Variants in DSCAM observed in about 807,000 individuals in gnomAD.
DSCAM encodes the protein DS cell adhesion molecule, also known as cell adhesion molecule DSCAM.
Under a neutral mutation model 217.7 loss-of-function variants are expected in DSCAM, and 47 were observed. The ratio of observed to expected loss-of-function variants is 0.22; its 90% CI spans 0.17 to 0.28. DSCAM has a LOEUF of 0.28. DSCAM is among the 10% of genes least tolerant of loss of function. The pLI is 1.00. For missense variants in DSCAM, 2,080 were observed against 2,618.3 expected, an observed-to-expected ratio of 0.79 and a Z score of 4.49; for synonymous variants, 1,056 against 1,015.3, an observed-to-expected ratio of 1.04 and a Z score of -0.76.
chr21:40,498,696 TAGATATATATATATG>T (rs2076143024), intron 3 of DSCAM, among the ~76,000 whole-genome samples: 1 of 9,186 alleles, frequency 1.1e-4, no homozygotes, highest in Admixed American at 1.2e-3. Context: ...TATATATATA[TAGATATATATATATG>T]GGTGTATATA....
chr21:40,814,485 T>G (rs2091864412), intron 1 of DSCAM, among the ~76,000 whole-genome samples: 1 of 152,208 alleles, frequency 6.6e-6, no homozygotes, highest in Non-Finnish European at 1.5e-5. Flanking sequence ...TACTGCTTCT[T>G]TCTAAGTTAC....
At chr21:40,558,344 A>T (rs2076689283) in intron 3 of DSCAM, among the ~76,000 whole-genome samples, 1 of 152,086 alleles carries the variant, frequency 6.6e-6, no homozygotes. Flanking sequence ...GCTACTCAGC[A>T]GGCTGAGGCA....
Position 40,518,511 on chromosome 21 carries a change from TATATATA to T in DSCAM, c.509-149273_509-149267del, listed in dbSNP as rs1416130649. Among the ~76,000 whole-genome samples, 31 of 14,278 alleles carry T rather than the reference TATATATA, an allele frequency of 2.2e-3. 2 individuals are homozygous for T. Among genetic ancestry groups the T allele is most frequent in the East Asian group, 0.02 (10 of 492 alleles). The allele number at this position is 14,278 out of a possible 152,430, so 9.4% of individuals were successfully genotyped here. A position where few individuals can be genotyped will look rare whatever the true frequency, so the allele number is the denominator to read the frequency against. ...TATATATTATATATTATATATATAA[TATATATA>T]ATATATATTTTATATATATATATGT... On this transcript the variant is annotated intron_variant, in intron 3 of 32. Transcript: ENST00000400454.
rs527901964 is a variant in DSCAM, at chr21:40,632,128, G to T, written c.508+60682C>A. ...ATGGGGCCTCCAAAGAGCTATGCTGGCTTCCAAGGCTGCTGACCAGGTCTA... is the reference window on the plus strand; with the variant it reads ...ATGGGGCCTCCAAAGAGCTATGCTGTCTTCCAAGGCTGCTGACCAGGTCTA... On this transcript the variant is annotated intron_variant, in intron 3 of 32. Coordinates refer to ENST00000400454, the MANE Select transcript of DSCAM (RefSeq NM_001389.5). Among the ~76,000 whole-genome samples the T allele has an allele frequency of 2.0e-5, 3 of 152,278 alleles. No homozygotes were observed. In the South Asian group the frequency reaches 6.2e-4, roughly 32 times the overall value.
intron 1 of DSCAM, among the ~76,000 whole-genome samples, chr21:40,830,934 G>T (rs2092007328): frequency 3.3e-5 from 5 of 152,204 alleles, no homozygotes; most frequent in Admixed American, 2.0e-4. Context: ...GACTCTCCAT[G>T]GGATCCCTGG....
At chr21:40,651,045 T>C (rs1375778706) in intron 3 of DSCAM, among the ~76,000 whole-genome samples, 1 of 152,142 alleles carries the variant, frequency 6.6e-6, no homozygotes, top group African/African-American at 2.4e-5. Context: ...ATCTGGAGTA[T>C]AACCCATGAT....
intron 23 of DSCAM, 47 bp from the exon 24 acceptor site, chr21:40,084,053 C>G (rs1248524457): frequency 6.7e-7 from 1 of 1,486,116 alleles, no homozygotes. Context: ...TTTTTCACAT[C>G]TTTAACTTTC....
chr21:40,078,679 C>CAGCT lies in DSCAM; in HGVS notation c.4711+4_4711+7dup, dbSNP rs2089405218. 1 of 1,608,510 alleles carries CAGCT rather than the reference C, an allele frequency of 6.2e-7. No individual in the cohort carries two copies. Among genetic ancestry groups the CAGCT allele is most frequent in the Non-Finnish European group, 8.5e-7 (1 of 1,176,036 alleles). ...CAAGCAGGAGAGCCACAAAGCCAGCCAGCTTACTGCCATCGTAGTTCAGCG... is the reference window on the plus strand; with the variant it reads ...CAAGCAGGAGAGCCACAAAGCCAGCCAGCTAGCTTACTGCCATCGTAGTTCAGCG... On this transcript the variant is annotated splice_region_variant and intron_variant, in intron 26 of 32. Transcript: ENST00000400454.
chr21:40,711,632 C>T (rs1262669668), intron 1 of DSCAM, among the ~76,000 whole-genome samples: 15 of 152,188 alleles, frequency 9.9e-5, no homozygotes, highest in Admixed American at 9.8e-4. Context: ...CTGGAAAGAT[C>T]CTATGTTGAG....
At chr21:40,347,357 G>A (rs1483943735) in intron 6 of DSCAM, among the ~76,000 whole-genome samples, 1 of 151,616 alleles carries the variant, frequency 6.6e-6, no homozygotes, top group Non-Finnish European at 1.5e-5. Flanking sequence ...CTGGTCTAGA[G>A]ATGAATAATC....
chr21:40,506,389 C>A (rs2076210639), intron 3 of DSCAM, among the ~76,000 whole-genome samples: 1 of 152,168 alleles, frequency 6.6e-6, no homozygotes. Flanking sequence ...CAGTGGGAGC[C>A]CCGGACTCAC....
At chr21:40,587,906 AAC>A (rs2076958075) in intron 3 of DSCAM, among the ~76,000 whole-genome samples, 1 of 152,220 alleles carries the variant, frequency 6.6e-6, no homozygotes, top group South Asian at 2.1e-4. Flanking sequence ...AATCCCTGCC[AAC>A]AGTCATCATT....
At chr21:40,083,167 G>C (rs1206908683) in intron 24 of DSCAM, among the ~76,000 whole-genome samples, 1 of 152,196 alleles carries the variant, frequency 6.6e-6, no homozygotes, top group East Asian at 1.9e-4. Context: ...GGTGGCTCAC[G>C]CCTGTAATCC....
At chr21:40,802,537 C>G (rs1178965115) in intron 1 of DSCAM, among the ~76,000 whole-genome samples, 1 of 152,214 alleles carries the variant, frequency 6.6e-6, no homozygotes, top group Admixed American at 6.5e-5. Flanking sequence ...AATGTTGAAG[C>G]TTAATCCCCA....
At chr21:40,580,977 A>T (rs1001499829) in intron 3 of DSCAM, among the ~76,000 whole-genome samples, 2 of 152,234 alleles carry the variant, frequency 1.3e-5, no homozygotes, top group African/African-American at 4.8e-5. Context: ...AACTGAAAGG[A>T]CTTCGAAGAA....
At chr21:40,415,656 G>C (rs772771608) in intron 3 of DSCAM, among the ~76,000 whole-genome samples, 63 of 152,188 alleles carry the variant, frequency 4.1e-4, no homozygotes, top group Non-Finnish European at 7.1e-4. Context: ...CTGCAGAACT[G>C]CACAAATGCC....
intron 11 of DSCAM, among the ~76,000 whole-genome samples, chr21:40,233,377 T>C (rs528902663): frequency 1.7e-4 from 26 of 152,304 alleles, no homozygotes; most frequent in African/African-American, 5.3e-4. Flanking sequence ...AAAACTCACC[T>C]AAACAAATAT....
intron 11 of DSCAM, among the ~76,000 whole-genome samples, chr21:40,199,308 C>T (rs1283370259): frequency 6.6e-6 from 1 of 152,158 alleles, no homozygotes; most frequent in Non-Finnish European, 1.5e-5. Context: ...CCAGCTTCAT[C>T]CCCTGGAAAG....
intron 3 of DSCAM, among the ~76,000 whole-genome samples, chr21:40,572,199 T>C (rs2076813609): frequency 6.6e-6 from 1 of 151,884 alleles, no homozygotes; most frequent in Non-Finnish European, 1.5e-5. Flanking sequence ...AACAAAAGAA[T>C]ACAAAGAATG....
Sources: gnomAD v4.1 joint callset for allele counts (sites outside exome capture counted in the v4.1 genomes callset) on GRCh38, gnomAD v4.1.1 for gene constraint, MANE v1.5 for transcripts, NCBI Gene and HGNC (gene_info 2026-07-23, HGNC 2026-07-21) for gene names.